Variants in HSP90AA1 observed in about 807,000 individuals in gnomAD.
HSP90AA1 encodes the protein heat shock protein 90 alpha family class A member 1, also known as heat shock protein HSP 90-alpha.
Under a neutral mutation model 73.3 loss-of-function variants are expected in HSP90AA1, and 18 were observed. The ratio of observed to expected loss-of-function variants is 0.25; its 90% confidence interval spans 0.17 to 0.36. The LOEUF (loss-of-function observed/expected upper bound fraction) is 0.36, where lower values mean the gene tolerates loss of function less well. HSP90AA1 is among the 10% of genes least tolerant of loss of function. HSP90AA1 has a pLI of 1.00. For missense variants in HSP90AA1, 704 were observed against 874.2 expected, an observed-to-expected ratio of 0.81 and a Z score of 2.45; for synonymous variants, 477 against 296.9, an observed-to-expected ratio of 1.61 and a Z score of -6.24.
chr14:102,137,020 C>T (rs1359069416), intron 1 of HSP90AA1, among the ~76,000 whole-genome samples: 4 of 152,104 alleles, frequency 2.6e-5, no homozygotes, highest in Non-Finnish European at 4.4e-5. Flanking sequence ...TCGAGACCAG[C>T]CTGGCCAACG....
chr14:102,137,450 C>T (rs548902024), intron 1 of HSP90AA1, among the ~76,000 whole-genome samples: 63 of 151,728 alleles, frequency 4.2e-4, no homozygotes, highest in Admixed American at 1.6e-3. Flanking sequence ...CTCAGCCTCC[C>T]GAGCAGCTGG....
chr14:102,084,266 G>A, intron 6 of HSP90AA1, 133 bp downstream of exon 6: 1 of 832,422 alleles, frequency 1.2e-6, no homozygotes, highest in Admixed American at 2.2e-5. Flanking sequence ...GGCTGGTCTT[G>A]AACTCCTGAC....
intron 1 of HSP90AA1, among the ~76,000 whole-genome samples, chr14:102,123,769 C>T (rs1295635510): frequency 6.6e-6 from 1 of 152,016 alleles, no homozygotes; most frequent in Non-Finnish European, 1.5e-5. Flanking sequence ...TTAAAGGCAC[C>T]CCCCACTTCC....
chr14:102,124,190 ATTTTT>A (rs35232557), intron 1 of HSP90AA1, among the ~76,000 whole-genome samples: 2 of 128,140 alleles, frequency 1.6e-5, no homozygotes, highest in Non-Finnish European at 3.1e-5. Flanking sequence ...TTGAATGCTA[ATTTTT>A]TTTTTTTTTT....
At chr14:102,116,846 G>A (rs944591062) in intron 1 of HSP90AA1, among the ~76,000 whole-genome samples, 3 of 152,158 alleles carry the variant, frequency 2.0e-5, no homozygotes, top group Admixed American at 2.0e-4. Flanking sequence ...TGAGGACCTG[G>A]AGCCCCTGCC....
chr14:102,117,516 C>T (rs2049722340), intron 1 of HSP90AA1, among the ~76,000 whole-genome samples: 1 of 151,498 alleles, frequency 6.6e-6, no homozygotes, highest in Non-Finnish European at 1.5e-5. Context: ...CTCGGGATGA[C>T]CTGCTTAGCA....
rs2049082666 is a variant in HSP90AA1 at position 102,080,870 on chromosome 14, T to A, written c.*842A>T. The A allele has an allele frequency of 4.4e-6, 1 of 228,674 alleles. No homozygotes were observed. The highest frequency in any genetic ancestry group is 8.7e-6 in the Non-Finnish European group (1 of 115,228). 14.2% of individuals were successfully genotyped at this position (228,674 alleles called of 1,614,324 possible). On this transcript the variant is annotated 3_prime_UTR_variant, in exon 11 of 11. Coordinates refer to ENST00000216281, the MANE Select transcript of HSP90AA1 (RefSeq NM_005348.4). Reference sequence around the variant, plus strand: ...ATGCATGTTGTCTGCATTCCTGTTTTCTGTGCCTACGTGTGCTCCACCCCA... The same window carrying A: ...ATGCATGTTGTCTGCATTCCTGTTTACTGTGCCTACGTGTGCTCCACCCCA...
chr14:102,109,111 A>G (rs117108032), intron 1 of HSP90AA1, among the ~76,000 whole-genome samples: 111 of 152,268 alleles, frequency 7.3e-4, no homozygotes, highest in Non-Finnish European at 1.2e-3. Context: ...GAGGCTCCCT[A>G]TGTTTCTTCC....
Position 102,081,713 on chromosome 14 carries a change from T to G in HSP90AA1, c.2198A>C (p.Ter733SerextTer6). ...DDTSRMEEVD[*>S] Reference sequence around the variant, plus strand: ...GGTAAGTCATCCCTCAGCCAGAGATTAGTCTACTTCTTCCATGCGTGATGT... The same window carrying G: ...GGTAAGTCATCCCTCAGCCAGAGATGAGTCTACTTCTTCCATGCGTGATGT... The change falls in exon 11 of 11, where the codon TAA becomes TCA. Residue 733 changes from the stop codon to serine, a stop_lost. Transcript: ENST00000216281. 7.4e-7 allele frequency: 1 copy of G among 1,348,862 alleles called. No individual in the cohort carries two copies. 83.6% of individuals were successfully genotyped at this position (1,348,862 alleles called of 1,614,324 possible). A position where few individuals can be genotyped will look rare whatever the true frequency, so the allele number is the denominator to read the frequency against.
Position 102,082,389 on chromosome 14 carries a change from T to C in HSP90AA1, c.1811A>G (p.Tyr604Cys). The C allele has an allele frequency of 6.2e-7, 1 of 1,613,940 alleles. No homozygotes were observed. The highest frequency in any genetic ancestry group is 8.5e-7 in the Non-Finnish European group (1 of 1,179,964). Residue 604 changes from tyrosine to cysteine, a missense_variant, in exon 10 of 11, where the codon TAT becomes TGT. Tyr to Cys is a radical substitution (Grantham distance 194). Transcript: ENST00000216281. Reference sequence around the variant, plus strand: ...TCTCTCCATGTTTGCTGTCCAGCCATATGTGCTTGTGACAATACAGCATGG... The same window carrying C: ...TCTCTCCATGTTTGCTGTCCAGCCACATGTGCTTGTGACAATACAGCATGG... Reference protein sequence around the residue: ...TSPCCIVTSTYGWTANMERIM... With the variant: ...TSPCCIVTSTCGWTANMERIM...
At chr14:102,102,479 G>T (rs1003245228) in intron 1 of HSP90AA1, among the ~76,000 whole-genome samples, 2 of 152,194 alleles carry the variant, frequency 1.3e-5, no homozygotes, top group Non-Finnish European at 2.9e-5. Context: ...GCACTGAAGG[G>T]TCTGGAATTC....
chr14:102,081,440 T>C lies in HSP90AA1; in HGVS notation c.*272A>G, dbSNP rs2049096095. On this transcript the variant is annotated 3_prime_UTR_variant, in exon 11 of 11. Coordinates refer to ENST00000216281, the MANE Select transcript of HSP90AA1 (RefSeq NM_005348.4). Reference sequence around the variant, plus strand: ...CAGCTAAACACTTTAGACCACAAAGTTAACATCATGTTACATACGTCTTAC... The same window carrying C: ...CAGCTAAACACTTTAGACCACAAAGCTAACATCATGTTACATACGTCTTAC... 3 of 514,628 alleles carry C rather than the reference T, an allele frequency of 5.8e-6. No homozygotes were observed. Among genetic ancestry groups the C allele is most frequent in the Non-Finnish European group, 1.0e-5 (3 of 287,096 alleles). The allele number at this position is 514,628 out of a possible 1,614,324, so 31.9% of individuals were successfully genotyped here.
intron 1 of HSP90AA1, among the ~76,000 whole-genome samples, chr14:102,123,873 TTAC>T (rs1466661103): frequency 1.3e-5 from 2 of 152,056 alleles, no homozygotes; most frequent in East Asian, 3.8e-4. Flanking sequence ...TAAACATGGC[TTAC>T]TACAGCCTCA....
chr14:102,087,343 C>G (rs2152614170), upstream of HSP90AA1, among the ~76,000 whole-genome samples: 1 of 151,398 alleles, frequency 6.6e-6, no homozygotes, highest in African/African-American at 2.4e-5. Flanking sequence ...AAGGTCCGGG[C>G]GCCTTCTGGG....
intron 1 of HSP90AA1, among the ~76,000 whole-genome samples, chr14:102,120,463 A>G (rs926074885): frequency 6.6e-6 from 1 of 152,148 alleles, no homozygotes. Context: ...ATTTACAAAG[A>G]GATTTTATAT....
chr14:102,113,856 G>A (rs115314584), intron 1 of HSP90AA1, among the ~76,000 whole-genome samples: 1,966 of 152,038 alleles, frequency 0.013, 45 homozygotes, highest in African/African-American at 0.044. Context: ...GACTACAAGC[G>A]CCTGCCACCA....
chr14:102,082,570 A>T, intron 9 of HSP90AA1, 126 bp from the exon 10 acceptor site: 1 of 744,190 alleles, frequency 1.3e-6, no homozygotes, highest in Non-Finnish European at 2.3e-6. Context: ...AATACAACTT[A>T]AATGTCGCAT....
At chr14:102,108,404 A>T (rs1182677749) in intron 1 of HSP90AA1, among the ~76,000 whole-genome samples, 2 of 151,730 alleles carry the variant, frequency 1.3e-5, no homozygotes, top group East Asian at 3.9e-4. Flanking sequence ...TTCTTTTTTT[A>T]AAAATTGTTT....
At chr14:102,138,037 A>C (rs7158917) in intron 1 of HSP90AA1, among the ~76,000 whole-genome samples, 4,399 of 152,082 alleles carry the variant, frequency 0.029, 188 homozygotes, top group African/African-American at 0.089. Context: ...AACTAAACCA[A>C]AGGCTATGCA....
Sources: gnomAD v4.1 joint callset for allele counts (sites outside exome capture counted in the v4.1 genomes callset) on GRCh38, gnomAD v4.1.1 for gene constraint, MANE v1.5 for transcripts, NCBI Gene and HGNC (gene_info 2026-07-23, HGNC 2026-07-21) for gene names.